ZNF276: variants seen among roughly 807,000 people sequenced by gnomAD.
The protein encoded by ZNF276 is centromere protein Z.
A neutral mutation model predicts 63.9 loss-of-function variants in ZNF276; 59 were observed. The ratio of observed to expected loss-of-function variants is 0.92; its 90% CI spans 0.75 to 1.15. ZNF276 has a LOEUF of 1.15. Among genes scored for constraint, ZNF276 ranks in the 50% most tolerant of loss-of-function variants. The pLI is 0.00. For missense variants in ZNF276, 1,084 were observed against 843.8 expected (o/e 1.28, Z -3.53); for synonymous variants, 496 against 348.4 (o/e 1.42, Z -4.72).
In ZNF276 at chr16:89,738,816, C is replaced by T. The variant is rs776335845; in HGVS notation, c.*570C>T. 13 of 1,613,900 alleles carry T rather than the reference C, an allele frequency of 8.1e-6. No individual in the cohort carries two copies. Among genetic ancestry groups the T allele is most frequent in the Middle Eastern group, 1.6e-4 (1 of 6,084 alleles). On this transcript the variant is annotated 3_prime_UTR_variant, in exon 11 of 11. Transcript: ENST00000443381. ...AGTTGTATTGCCAGCCAGGCAGGCA[C>T]ATGGCCCAGGCAGCTGTCAATTCTC...
chr16:89,724,602 G>A (rs964217103), intron 4 of ZNF276, among the ~76,000 whole-genome samples: 6 of 152,150 alleles, frequency 3.9e-5, no homozygotes, highest in Admixed American at 1.3e-4. Context: ...AGCCGACATC[G>A]CACAACCGTA....
chr16:89,726,801 A>G (rs2061484672), intron 4 of ZNF276, among the ~76,000 whole-genome samples: 1 of 151,122 alleles, frequency 6.6e-6, no homozygotes, highest in Admixed American at 6.6e-5. Flanking sequence ...GTGTGCCACC[A>G]TGCCCGGCTA....
intron 1 of ZNF276, 77 bp from the exon 2 acceptor site, chr16:89,722,454 C>T (rs538819250): frequency 2.7e-6 from 4 of 1,484,278 alleles, no homozygotes; most frequent in African/African-American, 1.4e-5. Flanking sequence ...GCGCTGCCCT[C>T]GGACCTGGAG....
At chr16:89,733,120 C>T (rs1567579461) in intron 6 of ZNF276, 182 bp from the exon 7 acceptor site, 11 of 634,754 alleles carry the variant, frequency 1.7e-5, no homozygotes, top group Non-Finnish European at 3.1e-5. Flanking sequence ...TGTGCTCGCC[C>T]CTGAGGCCTC....
intron 6 of ZNF276, 44 bp downstream of exon 6, chr16:89,729,362 A>C (rs775754113): frequency 3.9e-6 from 6 of 1,549,460 alleles, no homozygotes; most frequent in South Asian, 1.1e-5. Flanking sequence ...CCGTTGGGCG[A>C]CCTAGACACC....
chr16:89,733,980 CA>C lies in ZNF276; in HGVS notation c.1418del (p.Asn473ThrfsTer5). ...RERPCPHPGC[N>X]KVFMIDRYLQ... ...AGCGGCCCTGCCCCCACCCTGGCTGCAACAAGGTTTTCATGATCGACCGCTA... is the reference window on the plus strand; with the variant it reads ...AGCGGCCCTGCCCCCACCCTGGCTGCACAAGGTTTTCATGATCGACCGCTA... On this transcript the variant is annotated frameshift_variant, in exon 9 of 11. Coordinates refer to ENST00000443381, the MANE Select transcript of ZNF276 (RefSeq NM_001113525.2). LOFTEE classifies it high-confidence loss of function. 1 of 1,614,084 alleles carries C rather than the reference CA, an allele frequency of 6.2e-7. No individual in the cohort carries two copies. Among genetic ancestry groups the C allele is most frequent in the Non-Finnish European group, 8.5e-7 (1 of 1,180,026 alleles).
chr16:89,736,815 G>C (rs117570731), intron 9 of ZNF276, among the ~76,000 whole-genome samples: 26 of 65,138 alleles, frequency 4.0e-4, no homozygotes, highest in African/African-American at 1.5e-3. Flanking sequence ...AAAAAAAAAA[G>C]AATCCCTTGA....
chr16:89,738,157 G>T lies in ZNF276; in HGVS notation c.1756G>T (p.Ala586Ser), dbSNP rs1240548082. 18 of 1,613,418 alleles carry T rather than the reference G, an allele frequency of 1.1e-5. No homozygotes were observed. The highest frequency in any genetic ancestry group is 1.5e-5 in the Non-Finnish European group (18 of 1,179,952). The change falls in exon 11 of 11, where the codon GCC becomes TCC. Residue 586 changes from alanine to serine, a missense_variant. Ala to Ser is a moderately conservative substitution (Grantham distance 99, BLOSUM62 1). Coordinates refer to ENST00000443381, the MANE Select transcript of ZNF276 (RefSeq NM_001113525.2). ...CCCGCTGACACAGACCCAGGACAAG[G>T]CCCTGCCCCTGGAGGCGGAACCACC... is the stretch of plus-strand genomic sequence containing the variant. The part of the protein sequence containing the change: ...VHPLTQTQDK[A>S]LPLEAEPPPG...
intron 8 of ZNF276, 128 bp from the exon 9 acceptor site, chr16:89,733,793 G>A (rs535968057): frequency 5.4e-6 from 5 of 930,524 alleles, no homozygotes; most frequent in Non-Finnish European, 8.4e-6. Context: ...AGCTGTGAAG[G>A]AGCCAGTGGT....
chr16:89,721,486 C>T, upstream of ZNF276: 1 of 729,558 alleles, frequency 1.4e-6, no homozygotes, highest in Non-Finnish European at 2.0e-6. Context: ...CGCCCCTGGC[C>T]CCTGGCCCGC....
intron 4 of ZNF276, among the ~76,000 whole-genome samples, chr16:89,725,959 A>ATATT (rs1356497043): frequency 4.0e-5 from 6 of 151,884 alleles, no homozygotes; most frequent in Non-Finnish European, 7.4e-5. Flanking sequence ...GAGAACAGTA[A>ATATT]TATTTATTTA....
rs777539105 is a variant in ZNF276, at chr16:89,738,073, C to T, written c.1672C>T (p.Gln558Ter). Residue 558 changes from glutamine (Q) to a stop codon, truncating the protein, a stop_gained, in exon 11 of 11, where the codon CAG becomes TAG. Transcript: ENST00000443381. LOFTEE classifies it high-confidence loss of function. The part of the protein sequence containing the change: ...AETELDFACD[Q>*]CGRRFEKAHN... ...GACTGAGCTGGACTTTGCCTGTGAC[C>T]AGTGTGGCCGGCGGTTTGAGAAGGC... The T allele has an allele frequency of 3.7e-6, 6 of 1,614,122 alleles. No homozygotes were observed. The highest frequency in any genetic ancestry group is 5.1e-6 in the Non-Finnish European group (6 of 1,180,042).
chr16:89,723,683 C>G lies in ZNF276; in HGVS notation c.980C>G (p.Pro327Arg). The G allele has an allele frequency of 1.2e-6, 2 of 1,611,122 alleles. No individual in the cohort carries two copies. The highest frequency in any genetic ancestry group is 8.5e-7 in the Non-Finnish European group (1 of 1,179,000). ...CCCAGGTCGGGCTTCCCACCTCAGC[C>G]AAGCCTGCCCCTTTGCAGGGCCCCA... ...VGPRSGFPPQ[P>R]SLPLCRAPGQ... is the part of the protein sequence containing the mutation. Residue 327 changes from proline to arginine, a missense_variant, in exon 4 of 11, where the codon CCA (proline) becomes CGA (arginine). Pro to Arg is a moderately radical substitution (Grantham distance 103). Coordinates refer to ENST00000443381, the MANE Select transcript of ZNF276 (RefSeq NM_001113525.2).
chr16:89,728,056 A>G (rs1290449327), intron 5 of ZNF276, among the ~76,000 whole-genome samples: 1 of 152,206 alleles, frequency 6.6e-6, no homozygotes, highest in Non-Finnish European at 1.5e-5. Flanking sequence ...CCAAATGAGG[A>G]CACCCCAGTT....
At chr16:89,730,041 G>C (rs1375675463) in intron 6 of ZNF276, among the ~76,000 whole-genome samples, 2 of 152,170 alleles carry the variant, frequency 1.3e-5, no homozygotes, top group African/African-American at 2.4e-5. Flanking sequence ...AGGTGGCTCT[G>C]AGCACCACCG....
chr16:89,723,292 C>G lies in ZNF276; in HGVS notation c.589C>G (p.His197Asp), dbSNP rs557611271. ...GATCACATCCAGCCCCCAGTGCCTG[C>G]ACGGCTTGGTGGGGTGGGTGCATGG... The part of the protein sequence containing the change: ...DLITSSPQCL[H>D]GLVGWVHGHA... The change falls in exon 4 of 11, where the codon CAC becomes GAC. Residue 197 changes from histidine (H) to aspartate (D), a missense_variant. His to Asp is a moderately conservative substitution (Grantham distance 81). Transcript: ENST00000443381. 1 of 1,613,050 alleles carries G rather than the reference C, an allele frequency of 6.2e-7. No individual in the cohort carries two copies. Among genetic ancestry groups the G allele is most frequent in the Admixed American group, 1.7e-5 (1 of 60,016 alleles).
intron 5 of ZNF276, among the ~76,000 whole-genome samples, chr16:89,728,426 C>T (rs547321122): frequency 4.6e-5 from 7 of 151,638 alleles, no homozygotes; most frequent in Non-Finnish European, 7.4e-5. Flanking sequence ...TTATTTGAGA[C>T]GGAGTCTCGC....
At chr16:89,730,628 A>G (rs1168307946) in intron 6 of ZNF276, among the ~76,000 whole-genome samples, 1 of 152,312 alleles carries the variant, frequency 6.6e-6, no homozygotes, top group East Asian at 1.9e-4. Context: ...ATACGTTTTC[A>G]GAGGTCTCTA....
chr16:89,727,432 A>G (rs1394773581), intron 5 of ZNF276, 75 bp downstream of exon 5: 2 of 1,531,708 alleles, frequency 1.3e-6, no homozygotes, highest in Non-Finnish European at 1.8e-6. Context: ...GAGGGGTGAG[A>G]GAAGAGTGGG....
Sources: allele counts gnomAD v4.1 joint callset (sites outside exome capture counted in the v4.1 genomes callset), GRCh38; gene constraint gnomAD v4.1.1; transcripts MANE v1.5; gene names NCBI Gene and HGNC (gene_info 2026-07-23, HGNC 2026-07-21).